TEX9: variants seen among roughly 807,000 people sequenced by gnomAD.
TEX9 encodes testis expressed 9.
A neutral mutation model predicts 59.6 loss-of-function variants in TEX9; 74 were observed. The ratio of observed to expected loss-of-function variants is 1.24; its 90% CI spans 1.03 to 1.51. The LOEUF (loss-of-function observed/expected upper bound fraction) is 1.51, where lower values mean the gene tolerates loss of function less well. TEX9 is among the 40% of genes most tolerant of loss of function. TEX9 has a pLI of 0.00. For synonymous variants in TEX9, 186 were observed against 152.2 expected (o/e 1.22, Z -1.64); for missense variants, 522 against 447.8 (o/e 1.17, Z -1.49).
chr15:56,388,514 A>C lies in TEX9; in HGVS notation c.306A>C (p.Glu102Asp), dbSNP rs566044979. ...AAGGGATAGTTCATCTTCATTCAGA[A>C]ACTAAGGTATGAAATCAAACTTTCT... The change falls in exon 5 of 13, where the codon GAA becomes GAC. Residue 102 changes from glutamate (E) to aspartate (D), a missense_variant. Coordinates refer to ENST00000352903, the Ensembl canonical transcript of TEX9. 16 of 1,611,440 alleles carry C rather than the reference A, an allele frequency of 9.9e-6. No individual in the cohort carries two copies. In the South Asian group the frequency reaches 1.8e-4, roughly 18 times the overall value.
intron 1 of TEX9, among the ~76,000 whole-genome samples, chr15:56,333,965 A>G (rs772151728): frequency 6.6e-5 from 10 of 152,146 alleles, no homozygotes; most frequent in African/African-American, 1.9e-4. Context: ...GAAGAAGACA[A>G]AGACCTCTAC....
intron 1 of TEX9, among the ~76,000 whole-genome samples, chr15:56,271,031 T>A (rs1202593925): frequency 1.3e-5 from 2 of 152,202 alleles, no homozygotes; most frequent in African/African-American, 4.8e-5. Flanking sequence ...CTTCCCTTTG[T>A]GGGTAACATG....
At chr15:56,366,670 AG>A (rs1467212449) in intron 2 of TEX9, among the ~76,000 whole-genome samples, 3 of 152,240 alleles carry the variant, frequency 2.0e-5, no homozygotes, top group African/African-American at 7.2e-5. Context: ...CTTATAAAAA[AG>A]TGCCTTTTAA....
chr15:56,330,370 A>T (rs145479475), intron 1 of TEX9, among the ~76,000 whole-genome samples: 1 of 152,178 alleles, frequency 6.6e-6, no homozygotes, highest in Non-Finnish European at 1.5e-5. Context: ...GTAAGTACAC[A>T]GAAAAAGTCA....
chr15:56,356,470 C>T (rs568580806), intron 1 of TEX9, among the ~76,000 whole-genome samples: 1 of 152,156 alleles, frequency 6.6e-6, no homozygotes, highest in South Asian at 2.1e-4. Flanking sequence ...TTTCAAAATA[C>T]TCCACTAGTG....
At chr15:56,364,408 C>G (rs1392606671), upstream of TEX9, among the ~76,000 whole-genome samples, 2 of 151,836 alleles carry the variant, frequency 1.3e-5, no homozygotes, top group African/African-American at 2.4e-5. Context: ...CCGCCTTGGC[C>G]TCCCAAAGTG....
At chr15:56,299,932 A>G (rs1239872553) in intron 1 of TEX9, among the ~76,000 whole-genome samples, 1 of 151,886 alleles carries the variant, frequency 6.6e-6, no homozygotes, top group African/African-American at 2.4e-5. Context: ...GAGACACAAT[A>G]TCCTGTTGGC....
chr15:56,355,125 C>A (rs1193810249), intron 1 of TEX9, among the ~76,000 whole-genome samples: 1 of 152,126 alleles, frequency 6.6e-6, no homozygotes, highest in Non-Finnish European at 1.5e-5. Flanking sequence ...CCTCCCATTC[C>A]CAGTTCTAGG....
At chr15:56,249,898 A>G (rs1418820818) in intron 1 of TEX9, among the ~76,000 whole-genome samples, 3 of 152,104 alleles carry the variant, frequency 2.0e-5, no homozygotes, top group African/African-American at 7.2e-5. Flanking sequence ...CTAACCTCAT[A>G]TGGATGCACA....
Position 56,289,459 on chromosome 15 carries a change from T to C in TEX9, c.-107+45181T>C, listed in dbSNP as rs149250179. On this transcript the variant is annotated intron_variant, in intron 1 of 5. Coordinates refer to the TEX9 transcript ENST00000560827. ...GCAGCAGTTCTGGCACCATTGAGGGTTCCAGATGTGTAGTGTCTGTGTAGC... is the reference window on the plus strand; with the variant it reads ...GCAGCAGTTCTGGCACCATTGAGGGCTCCAGATGTGTAGTGTCTGTGTAGC... 8.4e-3 allele frequency among the ~76,000 whole-genome samples: 1,273 copies of C among 152,276 alleles called. 12 individuals carry two copies. Among genetic ancestry groups the C allele is most frequent in the Non-Finnish European group, 0.011 (746 of 68,012 alleles).
chr15:56,262,556 T>G (rs1242007779), intron 1 of TEX9, among the ~76,000 whole-genome samples: 2 of 152,230 alleles, frequency 1.3e-5, no homozygotes, highest in African/African-American at 4.8e-5. Context: ...TATATGTGCT[T>G]GAAAAGAACT....
At chr15:56,307,890 C>T (rs774564115) in intron 1 of TEX9, among the ~76,000 whole-genome samples, 11 of 152,100 alleles carry the variant, frequency 7.2e-5, no homozygotes, top group Non-Finnish European at 1.6e-4. Context: ...CAAGTTCATC[C>T]GTGTTGTAGT....
chr15:56,293,875 C>T (rs1385596376), intron 1 of TEX9, among the ~76,000 whole-genome samples: 3 of 152,236 alleles, frequency 2.0e-5, no homozygotes, highest in Non-Finnish European at 2.9e-5. Flanking sequence ...CTACATGTCT[C>T]TTCCCTTGGA....
At chr15:56,332,440 A>G (rs1596096767) in intron 1 of TEX9, among the ~76,000 whole-genome samples, 2 of 137,586 alleles carry the variant, frequency 1.5e-5, no homozygotes, top group Middle Eastern at 3.9e-3. Context: ...GGACACAGGA[A>G]GGGGAATATC....
intron 1 of TEX9, among the ~76,000 whole-genome samples, chr15:56,260,987 C>G (rs2044252668): frequency 6.6e-6 from 1 of 151,222 alleles, no homozygotes; most frequent in African/African-American, 2.4e-5. Context: ...ATAAATTATT[C>G]ATTTTATATA....
Position 56,293,177 on chromosome 15 carries a change from GA to G in TEX9, c.-107+48909del, listed in dbSNP as rs1245954437. 5.4e-5 allele frequency among the ~76,000 whole-genome samples: 8 copies of G among 147,948 alleles called. No homozygotes were observed. The East Asian group carries it at 9.8e-4, about 18-fold the overall frequency. On this transcript the variant is annotated intron_variant, in intron 1 of 5. Transcript: ENST00000560827. ...TAGTGAGACCCCATCTCTACAATAT[GA>G]AAAAAAAAATGAGCAGGGCATAATG...
intron 10 of TEX9, among the ~76,000 whole-genome samples, chr15:56,412,965 A>G (rs984537828): frequency 6.6e-6 from 1 of 152,064 alleles, no homozygotes; most frequent in Admixed American, 6.6e-5. Flanking sequence ...GTTCCCAGGT[A>G]AATTATTGTA....
At chr15:56,398,631 T>A (rs796581153) in intron 9 of TEX9, among the ~76,000 whole-genome samples, 79 of 152,304 alleles carry the variant, frequency 5.2e-4, no homozygotes, top group African/African-American at 1.8e-3. Flanking sequence ...CTTCCAAATG[T>A]TTTTCATTCA....
intron 10 of TEX9, among the ~76,000 whole-genome samples, chr15:56,423,104 A>T (rs1471337129): frequency 6.6e-6 from 1 of 152,144 alleles, no homozygotes; most frequent in Non-Finnish European, 1.5e-5. Flanking sequence ...CACTGCTTTG[A>T]ACAAGGGTAT....
Sources: allele counts gnomAD v4.1 joint callset (sites outside exome capture counted in the v4.1 genomes callset), GRCh38; gene constraint gnomAD v4.1.1; transcripts MANE v1.5; gene names NCBI Gene and HGNC (gene_info 2026-07-23, HGNC 2026-07-21).